The following DMD variants were observed in gnomAD, a reference collection of about 807,000 sequenced individuals.
DMD encodes mutant dystrophin.
A neutral mutation model predicts 330.1 loss-of-function variants in DMD; 63 were observed. That is an observed-to-expected ratio of 0.19 (90% confidence interval 0.16 to 0.24). The LOEUF is 0.24. Among genes scored for constraint, DMD ranks in the 10% least tolerant of loss-of-function variants. The pLI is 1.00. For missense variants in DMD, 3,344 were observed against 2,684.1 expected (o/e 1.25, Z -5.43); for synonymous variants, 1,223 against 959.8 (o/e 1.27, Z -5.07).
chrX:32,459,726 A>G (rs1205572060), intron 25 of DMD, among the ~76,000 whole-genome samples: 2 of 111,155 alleles, frequency 1.8e-5, no homozygotes, highest in Admixed American at 1.9e-4. Context: ...CTTCCTCTAG[A>G]CTATCAACAA....
chrX:32,504,394 C>T (rs1178276897), intron 18 of DMD, among the ~76,000 whole-genome samples: 1 of 110,956 alleles, frequency 9.0e-6, no homozygotes, highest in East Asian at 2.8e-4. Flanking sequence ...GGGGCCAACG[C>T]GGGTGGATCA....
At chrX:32,588,057 C>T (rs1437692952) in intron 13 of DMD, among the ~76,000 whole-genome samples, 1 of 111,495 alleles carries the variant, frequency 9.0e-6, no homozygotes, top group Non-Finnish European at 1.9e-5. Flanking sequence ...ACAAAAAGCT[C>T]TCCCTTTTAA....
intron 4 of DMD, among the ~76,000 whole-genome samples, chrX:32,831,623 A>C (rs2079152125): frequency 9.3e-6 from 1 of 107,457 alleles, no homozygotes; most frequent in African/African-American, 3.4e-5. Context: ...AATAAAACTA[A>C]GAGTTACATT....
chrX:33,205,416 C>A (rs922434936), intron 1 of DMD, among the ~76,000 whole-genome samples: 5 of 112,256 alleles, frequency 4.5e-5, no homozygotes, highest in Non-Finnish European at 7.5e-5. Flanking sequence ...CCTCACACAG[C>A]TTCCAAGGCT....
intron 37 of DMD, among the ~76,000 whole-genome samples, chrX:32,357,948 C>T (rs1335600168): frequency 9.1e-6 from 1 of 109,603 alleles, no homozygotes; most frequent in Non-Finnish European, 1.9e-5. Flanking sequence ...GGAGTGACTG[C>T]TAAACTCACT....
At chrX:31,759,747 C>T (rs922702845) in intron 51 of DMD, among the ~76,000 whole-genome samples, 1 of 111,371 alleles carries the variant, frequency 9.0e-6, no homozygotes, top group African/African-American at 3.3e-5. Context: ...AAATTCTTTC[C>T]CTCAGACAGT....
intron 2 of DMD, among the ~76,000 whole-genome samples, chrX:33,019,872 T>C (rs949112922): frequency 2.7e-5 from 3 of 111,297 alleles, no homozygotes; most frequent in Non-Finnish European, 5.6e-5. Flanking sequence ...AGCTATAAAC[T>C]CTGAGGACTC....
intron 1 of DMD, among the ~76,000 whole-genome samples, chrX:33,244,005 A>G (rs781319557): frequency 1.8e-5 from 2 of 112,130 alleles, no homozygotes; most frequent in African/African-American, 6.5e-5. Context: ...ATATACAAAT[A>G]ACATTTTTAA....
intron 2 of DMD, among the ~76,000 whole-genome samples, chrX:32,908,023 C>A (rs1024751081): frequency 2.1e-4 from 23 of 111,419 alleles, no homozygotes; most frequent in Non-Finnish European, 2.6e-4. Flanking sequence ...CTCTCTACCT[C>A]ATAGAATTTG....
At position 32,292,299 on chromosome X, in the gene DMD, A is replaced by ATTTTTTTTTTTTTT. The variant is rs1355530949; in HGVS notation, c.6118-4599_6118-4598insAAAAAAAAAAAAAA. ...TTTAACAAATATCAACAAAGGGAAT[A>ATTTTTTTTTTTTTT]TTCTTTTTTTTTTTTTTTTGAGATG... On this transcript the variant is annotated intron_variant, in intron 42 of 78. Transcript: ENST00000357033. 5.5e-4 allele frequency among the ~76,000 whole-genome samples: 17 copies of ATTTTTTTTTTTTTT among 30,829 alleles called. 1 individual carries two copies. Among genetic ancestry groups the ATTTTTTTTTTTTTT allele is most frequent in the East Asian group, 5.1e-3 (3 of 588 alleles). The allele number at this position is 30,829 out of a possible 115,157, so 26.8% of individuals were successfully genotyped here. A position where few individuals can be genotyped will look rare whatever the true frequency, so the allele number is the denominator to read the frequency against.
chrX:32,708,993 T>C (rs780551966), intron 7 of DMD, among the ~76,000 whole-genome samples: 12 of 112,125 alleles, frequency 1.1e-4, no homozygotes, highest in African/African-American at 3.6e-4. Flanking sequence ...CGCATTTGTG[T>C]ATTTTCTAAG....
At chrX:32,848,992 T>G (rs1309311388) in intron 3 of DMD, among the ~76,000 whole-genome samples, 1 of 111,292 alleles carries the variant, frequency 9.0e-6, no homozygotes, top group East Asian at 2.8e-4. Context: ...TGTGTGTGTC[T>G]GTGTGTGTAT....
intron 1 of DMD, among the ~76,000 whole-genome samples, chrX:33,276,450 T>C (rs2053236800): frequency 9.0e-6 from 1 of 111,454 alleles, no homozygotes; most frequent in African/African-American, 3.3e-5. Context: ...GGTTGATCTC[T>C]GGTTTGTTTC....
At chrX:32,931,435 G>A (rs1166280295) in intron 2 of DMD, among the ~76,000 whole-genome samples, 1 of 111,548 alleles carries the variant, frequency 9.0e-6, no homozygotes, top group Non-Finnish European at 1.9e-5. Context: ...TGCAGGTAAT[G>A]CATATTTATT....
At chrX:33,130,323 A>C (rs1208456868) in intron 1 of DMD, among the ~76,000 whole-genome samples, 2 of 111,709 alleles carry the variant, frequency 1.8e-5, no homozygotes, top group Non-Finnish European at 3.8e-5. Context: ...CACTGTAGCT[A>C]AGGATTGCTT....
intron 44 of DMD, among the ~76,000 whole-genome samples, chrX:32,103,907 T>C (rs2096552159): frequency 9.0e-6 from 1 of 111,657 alleles, no homozygotes; most frequent in Non-Finnish European, 1.9e-5. Flanking sequence ...AAGAATAGGA[T>C]TGAGTGTCAT....
chrX:32,684,084 T>C (rs1185842101), intron 9 of DMD, among the ~76,000 whole-genome samples: 1 of 108,561 alleles, frequency 9.2e-6, no homozygotes, highest in Admixed American at 9.9e-5. Flanking sequence ...TTTAGAGTTC[T>C]AGTTATGAGG....
chrX:32,235,975 T>A (rs1220148988), intron 43 of DMD, among the ~76,000 whole-genome samples: 1 of 111,932 alleles, frequency 8.9e-6, no homozygotes, highest in African/African-American at 3.2e-5. Context: ...GAATAATTTT[T>A]CTCTTTATCA....
At chrX:31,360,608 T>C (rs1420319465) in intron 60 of DMD, among the ~76,000 whole-genome samples, 1 of 112,123 alleles carries the variant, frequency 8.9e-6, no homozygotes, top group Non-Finnish European at 1.9e-5. Flanking sequence ...AATGTAACAA[T>C]ATCAGAAAGT....
Sources: gnomAD v4.1 joint callset for allele counts (sites outside exome capture counted in the v4.1 genomes callset) on GRCh38, gnomAD v4.1.1 for gene constraint, MANE v1.5 for transcripts, NCBI Gene and HGNC (gene_info 2026-07-23, HGNC 2026-07-21) for gene names.